DDX23: variants seen among roughly 807,000 people sequenced by gnomAD.
The protein encoded by DDX23 is probable ATP-dependent RNA helicase DDX23.
A neutral mutation model predicts 102.7 loss-of-function variants in DDX23; 33 were observed. That is an observed-to-expected ratio of 0.32 (90% CI 0.24 to 0.43). DDX23 has a LOEUF of 0.43. DDX23 is among the 20% of genes least tolerant of loss of function. The pLI, the probability that DDX23 is intolerant of heterozygous loss-of-function variation, is 1.00. For missense variants in DDX23, 549 were observed against 1,086.6 expected, an observed-to-expected ratio of 0.51 and a Z score of 6.96; for synonymous variants, 352 against 376.0, an observed-to-expected ratio of 0.94 and a Z score of 0.74.
intron 16 of DDX23, 106 bp downstream of exon 16, chr12:48,831,036 G>A (rs990835929): frequency 7.8e-7 from 1 of 1,287,622 alleles, no homozygotes; most frequent in Non-Finnish European, 1.1e-6. Context: ...ACTTGGAACT[G>A]AGGGAGGCAG....
intron 3 of DDX23, among the ~76,000 whole-genome samples, 170 bp downstream of exon 3, chr12:48,843,770 G>A (rs930417498): frequency 2.0e-5 from 3 of 151,942 alleles, no homozygotes; most frequent in South Asian, 2.1e-4. Context: ...GGATGGTCTC[G>A]ATCTCCTGAC....
rs140946289 is a variant in DDX23, at chr12:48,836,665, G to T, written c.1140C>A (p.Thr380=). 5.0e-6 allele frequency: 8 copies of T among 1,614,084 alleles called. No homozygotes were observed. In the African/African-American group the frequency reaches 1.1e-4, roughly 22 times the overall value. The change falls in exon 10 of 17, where the codon ACC becomes ACA. Residue 380 remains threonine (T), a synonymous_variant. Transcript: ENST00000308025. This position sits in a 1 kb window ranked among gnomAD's most constrained non-coding sequence, Gnocchi z 6.1. ...GATTGGGGATCTTGCCACCTTTGGT[G>T]GTGATGCTGTAGTCCTCACGGAAGA... The part of the protein sequence containing the change: ...WRIFREDYSI[T]TKGGKIPNPI...
rs142194410 is a variant in DDX23 at position 48,832,840 on chromosome 12, A to G, written c.1804-267T>C. On this transcript the variant is annotated intron_variant, in intron 13 of 16. Transcript: ENST00000308025. This position sits in a 1 kb window ranked among gnomAD's most constrained non-coding sequence, Gnocchi z 4.4. Reference sequence around the variant, plus strand: ...CCCGGTAGCAGCATGAGTCTTTGGAATCGTTTTTCCAGGGCTAAGCTAAAT... The same window carrying G: ...CCCGGTAGCAGCATGAGTCTTTGGAGTCGTTTTTCCAGGGCTAAGCTAAAT... 7.3e-4 allele frequency: 370 copies of G among 508,708 alleles called. No individual in the cohort carries two copies. Among genetic ancestry groups the G allele is most frequent in the Non-Finnish European group, 1.1e-3 (315 of 287,822 alleles). 31.5% of individuals were successfully genotyped at this position (508,708 alleles called of 1,614,324 possible).
chr12:48,841,652 G>A (rs1408659665), intron 3 of DDX23, among the ~76,000 whole-genome samples: 14 of 152,212 alleles, frequency 9.2e-5, no homozygotes, highest in Non-Finnish European at 1.9e-4. Context: ...TGGTGGAGAC[G>A]GGGTTTCGCT....
At chr12:48,838,619 A>C (rs1176751397) in intron 5 of DDX23, among the ~76,000 whole-genome samples, 4 of 151,984 alleles carry the variant, frequency 2.6e-5, no homozygotes, top group Non-Finnish European at 4.4e-5. Context: ...TGGGAGGCCG[A>C]GATGGGCGGA....
In DDX23 at chr12:48,830,399, T is replaced by A; in HGVS notation, c.*70A>T. ...AAGAGTGAGGACCTGGAAAGAGGGA[T>A]GTGAGGGTTCTGAAAAACAGGCATC... On this transcript the variant is annotated 3_prime_UTR_variant, in exon 17 of 17. Coordinates refer to ENST00000308025, the MANE Select transcript of DDX23 (RefSeq NM_004818.3). This position sits in a 1 kb window ranked among gnomAD's most constrained non-coding sequence, Gnocchi z 4.9. 6.5e-7 allele frequency: 1 copy of A among 1,530,950 alleles called. No individual in the cohort carries two copies. The highest frequency in any genetic ancestry group is 1.4e-5 in the African/African-American group (1 of 73,326). The allele number at this position is 1,530,950 out of a possible 1,614,324, so 94.8% of individuals were successfully genotyped here. A position where few individuals can be genotyped will look rare whatever the true frequency, so the allele number is the denominator to read the frequency against.
chr12:48,832,037 TGC>T lies in DDX23; in HGVS notation c.2064+39_2064+40del. On this transcript the variant is annotated intron_variant, in intron 15 of 16. Coordinates refer to ENST00000308025, the MANE Select transcript of DDX23 (RefSeq NM_004818.3). This position sits in a 1 kb window ranked among gnomAD's most constrained non-coding sequence, Gnocchi z 4.4. The stretch of plus-strand genomic sequence containing the variant: ...GGGCCCTGCTAGATTCAGAAAGCAG[TGC>T]CACAGAGGCTAGACTTTGTTCTCCC... The T allele has an allele frequency of 6.3e-7, 1 of 1,576,724 alleles. No homozygotes were observed. The highest frequency in any genetic ancestry group is 8.7e-7 in the Non-Finnish European group (1 of 1,147,004).
chr12:48,835,366 A>G (rs1938454849), intron 11 of DDX23, among the ~76,000 whole-genome samples: 1 of 152,166 alleles, frequency 6.6e-6, no homozygotes, highest in Non-Finnish European at 1.5e-5. Context: ...TGAGATCGGG[A>G]GTTTGAGACC....
rs1491312220 is a variant in DDX23 at position 48,832,392 on chromosome 12, C to CT, written c.1955+29dup. ...TCTCAGAGCCATTTTATTCTCCACC[C>CT]TGTTTCCCCTGGCTCAGCTGCCCTC... On this transcript the variant is annotated intron_variant, in intron 14 of 16. Transcript: ENST00000308025. This position sits in a 1 kb window ranked among gnomAD's most constrained non-coding sequence, Gnocchi z 4.4. The CT allele has an allele frequency of 6.2e-7, 1 of 1,605,580 alleles. No homozygotes were observed. Among genetic ancestry groups the CT allele is most frequent in the Admixed American group, 1.7e-5 (1 of 59,788 alleles).
intron 6 of DDX23, 48 bp downstream of exon 6, chr12:48,837,894 C>G (rs962837092): frequency 1.9e-6 from 3 of 1,610,322 alleles, no homozygotes; most frequent in South Asian, 2.2e-5. Context: ...TATCTCATCC[C>G]ACTCTTTCCT....
In DDX23 at chr12:48,832,022, A is replaced by G. The variant is rs1938396869; in HGVS notation, c.2064+56T>C. The G allele has an allele frequency of 2.0e-6, 3 of 1,515,070 alleles. No homozygotes were observed. Among genetic ancestry groups the G allele is most frequent in the Admixed American group, 1.7e-5 (1 of 59,542 alleles). 93.9% of individuals were successfully genotyped at this position (1,515,070 alleles called of 1,614,324 possible). A position where few individuals can be genotyped will look rare whatever the true frequency, so the allele number is the denominator to read the frequency against. On this transcript the variant is annotated intron_variant, in intron 15 of 16. Transcript: ENST00000308025. The surrounding 1 kb of genome is among the most constrained non-coding windows in gnomAD (Gnocchi z 4.4). Reference sequence around the variant, plus strand: ...AAGGAAGAGCCTAGGGGGCCCTGCTAGATTCAGAAAGCAGTGCCACAGAGG... The same window carrying G: ...AAGGAAGAGCCTAGGGGGCCCTGCTGGATTCAGAAAGCAGTGCCACAGAGG...
Position 48,830,397 on chromosome 12 carries a change from G to A in DDX23, c.*72C>T. The A allele has an allele frequency of 6.6e-7, 1 of 1,519,426 alleles. No homozygotes were observed. Among genetic ancestry groups the A allele is most frequent in the Non-Finnish European group, 9.1e-7 (1 of 1,097,260 alleles). 94.1% of individuals were successfully genotyped at this position (1,519,426 alleles called of 1,614,324 possible). On this transcript the variant is annotated 3_prime_UTR_variant, in exon 17 of 17. Transcript: ENST00000308025. The surrounding 1 kb of genome is among the most constrained non-coding windows in gnomAD (Gnocchi z 4.9). ...CCAAGAGTGAGGACCTGGAAAGAGG[G>A]ATGTGAGGGTTCTGAAAAACAGGCA...
intron 3 of DDX23, among the ~76,000 whole-genome samples, chr12:48,842,795 T>C (rs1407666748): frequency 1.3e-5 from 2 of 151,902 alleles, no homozygotes; most frequent in East Asian, 3.9e-4. Context: ...GTCTGGGAGG[T>C]GTACTCAACA....
At chr12:48,849,907 G>C (rs1276222207) in intron 1 of DDX23, among the ~76,000 whole-genome samples, 1 of 152,240 alleles carries the variant, frequency 6.6e-6, no homozygotes, top group African/African-American at 2.4e-5. Flanking sequence ...GAGGTGGAAA[G>C]ACTTCTTGAC....
At position 48,839,877 on chromosome 12, in the gene DDX23, G is replaced by A. The variant is rs1406020267; in HGVS notation, c.447C>T (p.Ala149=). ...CAGCTTCTTCCTCAGCCTTTTTCTTGGCCAGAAGCTCCTCCAGGGATAATG... is the reference window on the plus strand; with the variant it reads ...CAGCTTCTTCCTCAGCCTTTTTCTTAGCCAGAAGCTCCTCCAGGGATAATG... ...AQPLSLEELL[A]KKKAEEEAEA... Residue 149 remains alanine (A), a synonymous_variant, in exon 5 of 17, where the codon GCC becomes GCT. Transcript: ENST00000308025. The A allele has an allele frequency of 1.9e-6, 3 of 1,614,090 alleles. No individual in the cohort carries two copies. The highest frequency in any genetic ancestry group is 1.7e-6 in the Non-Finnish European group (2 of 1,180,010).
Position 48,829,823 on chromosome 12 carries a change from CAG to C in DDX23, c.*644_*645del, listed in dbSNP as rs1321993432. The C allele has an allele frequency of 1.8e-5, 4 of 224,684 alleles. No homozygotes were observed. The highest frequency in any genetic ancestry group is 4.6e-5 in the African/African-American group (2 of 43,938). The allele number at this position is 224,684 out of a possible 1,614,324, so 13.9% of individuals were successfully genotyped here. On this transcript the variant is annotated 3_prime_UTR_variant, in exon 17 of 17. Coordinates refer to ENST00000308025, the MANE Select transcript of DDX23 (RefSeq NM_004818.3). ...ACTTATCTTCTCAGAGAATAGAAAA[CAG>C]AGATTTCACTCAGTGACAAAGATGG...
At chr12:48,849,265 G>A (rs1227154015) in intron 1 of DDX23, among the ~76,000 whole-genome samples, 1 of 152,144 alleles carries the variant, frequency 6.6e-6, no homozygotes, top group Non-Finnish European at 1.5e-5. Flanking sequence ...GGGAGGCCAA[G>A]GCGGGAGGAT....
intron 2 of DDX23, among the ~76,000 whole-genome samples, chr12:48,844,872 G>C (rs969039539): frequency 1.3e-5 from 2 of 151,702 alleles, no homozygotes; most frequent in African/African-American, 4.8e-5. Context: ...TAGATGCCTA[G>C]CCGGGCGTGG....
At chr12:48,837,187 C>A in intron 8 of DDX23, 94 bp downstream of exon 8, 1 of 1,548,732 alleles carries the variant, frequency 6.5e-7, no homozygotes, top group South Asian at 1.2e-5. Context: ...AATTTTCCAT[C>A]CCAGCTTATC....
Sources: gnomAD v4.1 joint callset for allele counts (sites outside exome capture counted in the v4.1 genomes callset) on GRCh38, gnomAD v4.1.1 for gene constraint, Gnocchi (gnomAD v3.1) non-coding constraint, MANE v1.5 for transcripts, NCBI Gene and HGNC (gene_info 2026-07-23, HGNC 2026-07-21) for gene names.